The following MARF1 variants were observed in gnomAD, a reference collection of about 807,000 sequenced individuals.
MARF1 encodes meiosis regulator and mRNA stability factor 1, also known as limkain-b1.
A neutral mutation model predicts 168.2 loss-of-function variants in MARF1; 24 were observed. That is an observed-to-expected ratio of 0.14 (90% confidence interval 0.10 to 0.20). The LOEUF (loss-of-function observed/expected upper bound fraction) is 0.20, where lower values mean the gene tolerates loss of function less well. MARF1 is among the 10% of genes least tolerant of loss of function. The pLI is 1.00. For synonymous variants in MARF1, 868 were observed against 822.4 expected (o/e 1.06, Z -0.95); for missense variants, 1,744 against 2,143.6 (o/e 0.81, Z 3.68).
At position 15,596,861 on chromosome 16, in the gene MARF1, G is replaced by A. The variant is rs200368482; in HGVS notation, c.5061C>T (p.Ser1687=). The part of the protein sequence containing the change: ...PGKSKTLTSD[S]SSSCISAAVP... Reference sequence around the variant, plus strand: ...CAGCTGCTGAGATGCAGGACGAGCTGGAGTCAGAGGTCAGAGTTTTGCTCT... The same window carrying A: ...CAGCTGCTGAGATGCAGGACGAGCTAGAGTCAGAGGTCAGAGTTTTGCTCT... The change falls in exon 27 of 27, where the codon TCC becomes TCT. Residue 1687 remains serine (S), a synonymous_variant. Coordinates refer to ENST00000396368, the MANE Select transcript of MARF1 (RefSeq NM_014647.4). The A allele has an allele frequency of 1.8e-4, 284 of 1,613,886 alleles. 3 individuals are homozygous for A. Among genetic ancestry groups the A allele is most frequent in the Non-Finnish European group, 3.3e-5 (39 of 1,179,946 alleles).
intron 21 of MARF1, among the ~76,000 whole-genome samples, 170 bp downstream of exon 21, chr16:15,608,121 T>TAG (rs879752546): frequency 7.9e-5 from 12 of 152,280 alleles, no homozygotes; most frequent in Admixed American, 7.2e-4. Context: ...AGGCTTCTAT[T>TAG]ACCTAATAAG....
intron 7 of MARF1, 87 bp downstream of exon 7, chr16:15,630,245 G>A (rs2035158663): frequency 3.2e-6 from 4 of 1,263,384 alleles, no homozygotes; most frequent in Non-Finnish European, 4.4e-6. Context: ...GCCCCATCTG[G>A]GCCTGGCAAC....
chr16:15,636,239 A>G lies in MARF1; in HGVS notation c.248T>C (p.Ile83Thr), dbSNP rs775193529. The change falls in exon 3 of 27, where the codon ATT (isoleucine) becomes ACT (threonine). Residue 83 changes from isoleucine (I) to threonine (T), a missense_variant. By Grantham distance (89) the Ile-to-Thr change is moderately conservative (BLOSUM62 -1). Around this residue, in one of 7 missense-constraint regions of MARF1, gnomAD observed 318 missense variants for 336.6 expected, o/e 0.94. Coordinates refer to ENST00000396368, the MANE Select transcript of MARF1 (RefSeq NM_014647.4). ...TATTTTAGGCTGCTGAAGAGAACGA[A>G]TATCAGGAAGTGGGACTGCTGGAAA... is the stretch of plus-strand genomic sequence containing the variant. ...KLFPAVPLPD[I>T]RSLQQPKIQL... The G allele has an allele frequency of 8.1e-6, 13 of 1,614,118 alleles. No individual in the cohort carries two copies. Among genetic ancestry groups the G allele is most frequent in the Non-Finnish European group, 1.1e-5 (13 of 1,180,030 alleles).
At chr16:15,604,991 T>TCTCAAGG (rs1306996607) in intron 21 of MARF1, among the ~76,000 whole-genome samples, 1 of 152,218 alleles carries the variant, frequency 6.6e-6, no homozygotes, top group Non-Finnish European at 1.5e-5. Flanking sequence ...TATTTCAGAT[T>TCTCAAGG]CTCAAGGAGA....
intron 12 of MARF1, among the ~76,000 whole-genome samples, chr16:15,620,831 C>A (rs929260804): frequency 2.0e-5 from 3 of 152,120 alleles, no homozygotes; most frequent in Admixed American, 2.0e-4. Flanking sequence ...TGCCACACTG[C>A]AGTTTGTTAG....
intron 19 of MARF1, 92 bp downstream of exon 19, chr16:15,610,883 G>C: frequency 7.9e-7 from 1 of 1,260,488 alleles, no homozygotes; most frequent in Non-Finnish European, 1.1e-6. Context: ...AGGAAGCACG[G>C]ACAGGGAGGG....
Position 15,609,549 on chromosome 16 carries a change from A to G in MARF1, c.3928T>C (p.Phe1310Leu), listed in dbSNP as rs904400546. ...YYGFTKLLEL[F>L]EAIPDTLQVL... ...TGTAAAGTATCAGGTATGGCTTCAA[A>G]AAGTTCAAGTAGTTTGGTAAACCCA... The change falls in exon 20 of 27, where the codon TTT becomes CTT. Residue 1310 changes from phenylalanine to leucine, a missense_variant. Phe to Leu is a conservative substitution (Grantham distance 22, BLOSUM62 0). Around this residue, in one of 7 missense-constraint regions of MARF1, gnomAD observed 543 missense variants for 742.1 expected, o/e 0.73. Coordinates refer to ENST00000396368, the MANE Select transcript of MARF1 (RefSeq NM_014647.4). 1.9e-6 allele frequency: 3 copies of G among 1,614,144 alleles called. No individual in the cohort carries two copies. The highest frequency in any genetic ancestry group is 1.1e-5 in the South Asian group (1 of 91,088).
At chr16:15,607,931 C>T (rs535861897) in intron 21 of MARF1, among the ~76,000 whole-genome samples, 9 of 152,308 alleles carry the variant, frequency 5.9e-5, no homozygotes, top group South Asian at 2.1e-4. Context: ...CTCCCAAGAA[C>T]GTCACAGGCA....
chr16:15,610,568 A>G (rs2033439205), intron 19 of MARF1: 1 of 156,898 alleles, frequency 6.4e-6, no homozygotes, highest in Non-Finnish European at 1.4e-5. Flanking sequence ...GGCAAAAGAA[A>G]AAAAAACATT....
At position 15,607,768 on chromosome 16, in the gene MARF1, G is replaced by A. The variant is rs532465741; in HGVS notation, c.4182+523C>T. Reference sequence around the variant, plus strand: ...CAGCTGCTCTGCCTAGGACAGGAAGGGTCAAGTGCAGTCCAGGACAGCAAA... The same window carrying A: ...CAGCTGCTCTGCCTAGGACAGGAAGAGTCAAGTGCAGTCCAGGACAGCAAA... On this transcript the variant is annotated intron_variant, in intron 21 of 26. Coordinates refer to ENST00000396368, the MANE Select transcript of MARF1 (RefSeq NM_014647.4). Among the ~76,000 whole-genome samples, 17 of 152,278 alleles carry A rather than the reference G, an allele frequency of 1.1e-4. No homozygotes were observed. The South Asian group carries it at 3.5e-3, about 32-fold the overall frequency.
At chr16:15,617,597 G>T (rs902694219) in intron 13 of MARF1, 62 bp from the exon 14 acceptor site, 2 of 1,076,230 alleles carry the variant, frequency 1.9e-6, no homozygotes, top group Admixed American at 2.1e-5. Context: ...ACAGAAACAC[G>T]CATCCTGTTT....
At position 15,630,396 on chromosome 16, in the gene MARF1, T is replaced by A. The variant is rs762380585; in HGVS notation, c.1460A>T (p.Asn487Ile). The A allele has an allele frequency of 6.2e-7, 1 of 1,614,046 alleles. No homozygotes were observed. Among genetic ancestry groups the A allele is most frequent in the Non-Finnish European group, 8.5e-7 (1 of 1,179,928 alleles). ...GAACTCTTCAAATCTGATCAGCTCG[T>A]TAGCATGATGCAGCAGTGCTTCTGA... is the stretch of plus-strand genomic sequence containing the variant. The part of the protein sequence containing the change: ...QASEALLHHA[N>I]ELIRFEEFIS... Residue 487 changes from asparagine (N) to isoleucine (I), a missense_variant, in exon 7 of 27, where the codon AAC (asparagine) becomes ATC (isoleucine). Asn to Ile is a moderately radical substitution (Grantham distance 149). This residue lies in a region of MARF1 where 217 missense variants were observed against 372.4 expected (regional missense o/e 0.58). Coordinates refer to ENST00000396368, the MANE Select transcript of MARF1 (RefSeq NM_014647.4).
In MARF1 at chr16:15,617,304, A is replaced by G. The variant is rs756349044; in HGVS notation, c.2952T>C (p.Asp984=). 7 of 1,613,306 alleles carry G rather than the reference A, an allele frequency of 4.3e-6. No individual in the cohort carries two copies. The highest frequency in any genetic ancestry group is 5.9e-6 in the Non-Finnish European group (7 of 1,179,370). Residue 984 remains aspartate, a synonymous_variant, in exon 14 of 27, where the codon GAT becomes GAC. Coordinates refer to ENST00000396368, the MANE Select transcript of MARF1 (RefSeq NM_014647.4). ...PVCRQHCSNK[D]FSEHEFDPDS... is the part of the protein sequence containing the mutation. ...AAGGAAAACGAACGGCACACCTGAAATCCTTATTGGAACAATGCTGTCTGC... is the reference window on the plus strand; with the variant it reads ...AAGGAAAACGAACGGCACACCTGAAGTCCTTATTGGAACAATGCTGTCTGC...
At chr16:15,637,333 C>A in intron 2 of MARF1, among the ~76,000 whole-genome samples, 1 of 152,344 alleles carries the variant, frequency 6.6e-6, no homozygotes, top group East Asian at 1.9e-4. Context: ...GTGACTGAGA[C>A]GTGCTCACCG....
chr16:15,622,020 TGAA>T, intron 11 of MARF1, 109 bp from the exon 12 acceptor site: 1 of 930,614 alleles, frequency 1.1e-6, no homozygotes, highest in Non-Finnish European at 1.6e-6. Flanking sequence ...AGCGCTTCCA[TGAA>T]GGAGTATGTC....
At position 15,594,524 on chromosome 16, in the gene MARF1, A is replaced by G. The variant is rs1192046555; in HGVS notation, c.*2169T>C. 1 of 152,624 alleles carries G rather than the reference A, an allele frequency of 6.6e-6. No individual in the cohort carries two copies. Among genetic ancestry groups the G allele is most frequent in the Non-Finnish European group, 1.5e-5 (1 of 68,024 alleles). The allele number at this position is 152,624 out of a possible 1,614,324, so 9.5% of individuals were successfully genotyped here. A position where few individuals can be genotyped will look rare whatever the true frequency, so the allele number is the denominator to read the frequency against. ...TTTCCCCCAAACCCAATCCAAAACAAACAGTGCAAGATGGGAAAGGGGGTT... is the reference window on the plus strand; with the variant it reads ...TTTCCCCCAAACCCAATCCAAAACAGACAGTGCAAGATGGGAAAGGGGGTT... On this transcript the variant is annotated 3_prime_UTR_variant, in exon 27 of 27. Transcript: ENST00000396368.
chr16:15,622,253 T>C (rs1335640311), intron 11 of MARF1, among the ~76,000 whole-genome samples: 1 of 152,164 alleles, frequency 6.6e-6, no homozygotes, highest in Non-Finnish European at 1.5e-5. Flanking sequence ...GGTGCATTTT[T>C]AGCAAAATTG....
intron 7 of MARF1, 95 bp from the exon 8 acceptor site, chr16:15,625,895 A>AG: frequency 4.3e-6 from 4 of 920,962 alleles, no homozygotes; most frequent in Non-Finnish European, 6.7e-6. Flanking sequence ...AACTTCAGTT[A>AG]ACAACTTTGA....
At chr16:15,610,003 G>T (rs1347527336) in intron 19 of MARF1, among the ~76,000 whole-genome samples, 1 of 152,080 alleles carries the variant, frequency 6.6e-6, no homozygotes, top group Non-Finnish European at 1.5e-5. Flanking sequence ...TTATAAGCTA[G>T]AAACAATTTT....
Sources: allele counts gnomAD v4.1 joint callset (sites outside exome capture counted in the v4.1 genomes callset), GRCh38; gene constraint gnomAD v4.1.1; regional missense constraint gnomAD v4.1.1; transcripts MANE v1.5; gene names NCBI Gene and HGNC (gene_info 2026-07-23, HGNC 2026-07-21).